Variants in ESF1 observed in about 807,000 individuals in gnomAD.
The protein encoded by ESF1 is ESF1 nucleolar pre-rRNA processing protein.
A neutral mutation model predicts 92.0 loss-of-function variants in ESF1; 58 were observed. The ratio of observed to expected loss-of-function variants is 0.63; its 90% CI spans 0.51 to 0.78. The LOEUF (loss-of-function observed/expected upper bound fraction) is 0.78. Among genes scored for constraint, ESF1 ranks in the 30% least tolerant of loss-of-function variants. The pLI is 0.00. For synonymous variants in ESF1, 321 were observed against 313.7 expected (o/e 1.02, Z -0.24); for missense variants, 922 against 989.1 (o/e 0.93, Z 0.91).
intron 13 of ESF1, among the ~76,000 whole-genome samples, chr20:13,716,622 A>G (rs1476433195): frequency 6.6e-6 from 1 of 151,440 alleles, no homozygotes; most frequent in African/African-American, 2.4e-5. Flanking sequence ...AGTCTTTCTG[A>G]AGACATTTTC....
At chr20:13,757,277 G>A (rs1049593401) in intron 9 of ESF1, among the ~76,000 whole-genome samples, 5 of 152,104 alleles carry the variant, frequency 3.3e-5, no homozygotes, top group Non-Finnish European at 5.9e-5. Flanking sequence ...TATATAAAAA[G>A]ATAAGGTACC....
chr20:13,772,561 G>GTCCT lies in ESF1; in HGVS notation c.1200_1203dup (p.Pro402ArgfsTer10). 1 of 1,612,964 alleles carries GTCCT rather than the reference G, an allele frequency of 6.2e-7. No homozygotes were observed. ...TCAGGAATACTTAATAGCTCTACTG[G>GTCCT]TCCTTGAACTTGCTCTTCCTTCATC... On this transcript the variant is annotated frameshift_variant, in exon 5 of 14. Coordinates refer to ENST00000617257, the MANE Select transcript of ESF1 (RefSeq NM_001276380.2). LOFTEE classifies it high-confidence loss of function.
chr20:13,733,746 TTC>T lies in ESF1; in HGVS notation c.1923_1924del (p.Arg644ThrfsTer10), dbSNP rs1300476461. 1 of 1,612,176 alleles carries T rather than the reference TTC, an allele frequency of 6.2e-7. No homozygotes were observed. Among genetic ancestry groups the T allele is most frequent in the Non-Finnish European group, 8.5e-7 (1 of 1,179,648 alleles). On this transcript the variant is annotated frameshift_variant, in exon 10 of 14. Transcript: ENST00000617257. LOFTEE classifies it high-confidence loss of function. The stretch of plus-strand genomic sequence containing the variant: ...CTTCTGTTTCCTTTTCAGTCTTTTT[TTC>T]TCTTTCTTCTTCTCTAAAAATTGTT...
chr20:13,715,304 C>T (rs2049817058), intron 13 of ESF1, 137 bp from the exon 14 acceptor site: 3 of 801,160 alleles, frequency 3.7e-6, no homozygotes, highest in South Asian at 7.0e-5. Flanking sequence ...TGTACTGATT[C>T]ATTAGGAAAC....
rs140523984 is a variant in ESF1, at chr20:13,736,717, T to C, written c.1829-2875A>G. Among the ~76,000 whole-genome samples the C allele has an allele frequency of 5.2e-3, 786 of 152,330 alleles. 3 individuals are homozygous for C. The highest frequency in any genetic ancestry group is 0.019 in the South Asian group (91 of 4,830). ...GGCCTTGATCCTCAAGTGGTTCATGTGGTTAAAAACAAAAAAGAAAAGGAC... is the reference window on the plus strand; with the variant it reads ...GGCCTTGATCCTCAAGTGGTTCATGCGGTTAAAAACAAAAAAGAAAAGGAC... On this transcript the variant is annotated intron_variant, in intron 9 of 13. Transcript: ENST00000617257.
At chr20:13,780,337 T>C (rs149143301) in intron 2 of ESF1, among the ~76,000 whole-genome samples, 1 of 152,264 alleles carries the variant, frequency 6.6e-6, no homozygotes, top group African/African-American at 2.4e-5. Context: ...ATTAATTCAG[T>C]GCCCCAAATG....
At chr20:13,781,163 T>C (rs547372133) in intron 2 of ESF1, among the ~76,000 whole-genome samples, 6 of 152,328 alleles carry the variant, frequency 3.9e-5, no homozygotes, top group Admixed American at 3.3e-4. Flanking sequence ...TGTATTATGG[T>C]TCTGACTTTC....
intron 2 of ESF1, among the ~76,000 whole-genome samples, chr20:13,782,002 G>A (rs576227557): frequency 5.3e-5 from 8 of 152,170 alleles, no homozygotes; most frequent in African/African-American, 1.4e-4. Flanking sequence ...TCAGCCTCCC[G>A]AATAGCTGGG....
intron 2 of ESF1, among the ~76,000 whole-genome samples, chr20:13,779,661 A>G (rs947135867): frequency 4.6e-5 from 7 of 152,284 alleles, no homozygotes; most frequent in Middle Eastern, 3.4e-3. Flanking sequence ...CAGCCTCCCA[A>G]GTAGCTGGGA....
At chr20:13,743,161 C>A (rs763330764) in intron 9 of ESF1, among the ~76,000 whole-genome samples, 1 of 152,120 alleles carries the variant, frequency 6.6e-6, no homozygotes, top group Non-Finnish European at 1.5e-5. Flanking sequence ...CTCAACATCA[C>A]GAGTATCAGA....
intron 8 of ESF1, among the ~76,000 whole-genome samples, chr20:13,760,564 G>A (rs1476078767): frequency 5.4e-5 from 8 of 147,912 alleles, no homozygotes; most frequent in African/African-American, 1.3e-4. Flanking sequence ...CCCGGCAGCC[G>A]CCCCATCTGG....
intron 8 of ESF1, among the ~76,000 whole-genome samples, chr20:13,764,518 C>T (rs1055224129): frequency 1.3e-5 from 2 of 152,196 alleles, no homozygotes; most frequent in South Asian, 2.1e-4. Context: ...AAAATCCACA[C>T]GTATCTCGAT....
At chr20:13,733,871 A>G in intron 9 of ESF1, 29 bp from the exon 10 acceptor site, 1 of 1,579,428 alleles carries the variant, frequency 6.3e-7, no homozygotes, top group African/African-American at 1.4e-5. Context: ...AGTTTAGCTT[A>G]AAATGTCTTA....
chr20:13,780,602 G>GACCTCTTGGCCTATCAAA (rs532469002), intron 2 of ESF1, among the ~76,000 whole-genome samples: 15 of 152,062 alleles, frequency 9.9e-5, no homozygotes, highest in African/African-American at 3.4e-4. Context: ...TGCTTATCAA[G>GACCTCTTGGCCTATCAAA]ACCTCTTGGC....
intron 9 of ESF1, among the ~76,000 whole-genome samples, chr20:13,756,391 A>C (rs188866104): frequency 3.9e-5 from 6 of 152,328 alleles, no homozygotes. Context: ...TATTCAATTA[A>C]AAGTAAAAAA....
At chr20:13,777,627 C>T (rs749525929) in intron 2 of ESF1, among the ~76,000 whole-genome samples, 45 of 152,128 alleles carry the variant, frequency 3.0e-4, no homozygotes, top group Non-Finnish European at 5.9e-4. Context: ...ACTTTGTAAT[C>T]AACTGTCATG....
At chr20:13,715,649 A>T (rs2049819640) in intron 13 of ESF1, among the ~76,000 whole-genome samples, 1 of 152,220 alleles carries the variant, frequency 6.6e-6, no homozygotes, top group Admixed American at 6.5e-5. Context: ...CCATGGATCA[A>T]AAGATTTAAA....
At chr20:13,759,303 A>G (rs1214134817) in intron 9 of ESF1, among the ~76,000 whole-genome samples, 1 of 152,228 alleles carries the variant, frequency 6.6e-6, no homozygotes, top group East Asian at 1.9e-4. Flanking sequence ...TGTAATACAT[A>G]TTTTGTGTTA....
chr20:13,760,306 T>G, intron 8 of ESF1, among the ~76,000 whole-genome samples: 1 of 147,666 alleles, frequency 6.8e-6, no homozygotes, highest in East Asian at 2.0e-4. Flanking sequence ...ATCTAGGAAG[T>G]GAGGAGCGCC....
Sources: gnomAD v4.1 joint callset for allele counts (sites outside exome capture counted in the v4.1 genomes callset) on GRCh38, gnomAD v4.1.1 for gene constraint, MANE v1.5 for transcripts, NCBI Gene and HGNC (gene_info 2026-07-23, HGNC 2026-07-21) for gene names.